The following ZSCAN18 variants were observed in gnomAD, a reference collection of about 807,000 sequenced individuals.
ZSCAN18 encodes the protein zinc finger and SCAN domain containing 18.
Under a neutral mutation model 31.1 loss-of-function variants are expected in ZSCAN18, and 16 were observed. The observed-to-expected ratio is 0.51, with a 90% CI of 0.35 to 0.78. The LOEUF (loss-of-function observed/expected upper bound fraction) is 0.78. ZSCAN18 is among the 30% of genes least tolerant of loss of function. The pLI is 0.01. For synonymous variants in ZSCAN18, 375 were observed against 320.7 expected (o/e 1.17, Z -1.81); for missense variants, 731 against 697.4 (o/e 1.05, Z -0.54).
intron 1 of ZSCAN18, chr19:58,108,210 A>T: frequency 1.0e-6 from 1 of 985,718 alleles, no homozygotes; most frequent in Non-Finnish European, 1.2e-6. Context: ...CCCATGTTTA[A>T]TAAGTTATGT....
chr19:58,103,130 T>TA (rs2080905051), upstream of ZSCAN18, among the ~76,000 whole-genome samples: 1 of 144,890 alleles, frequency 6.9e-6, no homozygotes. Flanking sequence ...TAAAAAAAAA[T>TA]AAAAAAATAA....
chr19:58,098,002 ACG>A (rs1313632142), intron 1 of ZSCAN18, 170 bp downstream of exon 1: 11 of 985,016 alleles, frequency 1.1e-5, no homozygotes, highest in Non-Finnish European at 1.3e-5. Context: ...CCCGCACTCC[ACG>A]CGAAGGGATG....
At chr19:58,086,373 C>T in intron 5 of ZSCAN18, 107 bp from the exon 6 acceptor site, 2 of 959,220 alleles carry the variant, frequency 2.1e-6, no homozygotes, top group Non-Finnish European at 3.2e-6. Flanking sequence ...ACCTCCTCTT[C>T]TCTGTACTGG....
At chr19:58,100,424 CAGAG>C (rs1364575983), upstream of ZSCAN18, among the ~76,000 whole-genome samples, 1 of 152,126 alleles carries the variant, frequency 6.6e-6, no homozygotes, top group Non-Finnish European at 1.5e-5. Flanking sequence ...AATCGTGGGG[CAGAG>C]AGAGGGTCCA....
At chr19:58,088,079 C>G (rs1225343299) in intron 3 of ZSCAN18, 1 of 153,544 alleles carries the variant, frequency 6.5e-6, no homozygotes, top group Non-Finnish European at 1.4e-5. Flanking sequence ...AAATGTCGAA[C>G]TCACACACCA....
At chr19:58,097,972 CG>C (rs1568639032) in intron 1 of ZSCAN18, 2 of 985,476 alleles carry the variant, frequency 2.0e-6, no homozygotes, top group Non-Finnish European at 2.4e-6. Context: ...CAGCCACCTC[CG>C]GGGGGACCCG....
intron 4 of ZSCAN18, 140 bp downstream of exon 4, chr19:58,087,176 C>T (rs1016179142): frequency 3.8e-6 from 4 of 1,049,048 alleles, no homozygotes; most frequent in East Asian, 2.6e-5. Flanking sequence ...TCCGCCCTCA[C>T]GCTCCCACCA....
chr19:58,118,242 G>A (rs932782758), intron 1 of ZSCAN18: 304 of 1,240,870 alleles, frequency 2.4e-4, no homozygotes, highest in Admixed American at 5.3e-4. Flanking sequence ...CCCAGCCCCA[G>A]CCGCTCTGGA....
chr19:58,085,104 G>A lies in ZSCAN18; in HGVS notation c.1114C>T (p.Pro372Ser), dbSNP rs764746245. ...RGTAKLGTKR[P>S]HPEDGDGQSL... ...TGCCCGTCCCCATCCTCGGGGTGCG[G>A]CCTCTTGGTTCCCAGTTTCGCCGTG... Residue 372 changes from proline to serine, a missense_variant, in exon 7 of 7, where the codon CCG becomes TCG. By Grantham distance (74) the Pro-to-Ser change is moderately conservative. Transcript: ENST00000601144. 5.6e-6 allele frequency: 9 copies of A among 1,606,760 alleles called. No homozygotes were observed. Among genetic ancestry groups the A allele is most frequent in the Non-Finnish European group, 7.6e-6 (9 of 1,176,480 alleles).
intron 1 of ZSCAN18, among the ~76,000 whole-genome samples, chr19:58,114,515 A>C (rs2074714292): frequency 7.1e-6 from 1 of 140,208 alleles, no homozygotes; most frequent in Non-Finnish European, 1.5e-5. Flanking sequence ...ATGCACACAT[A>C]ATACATATAC....
chr19:58,111,863 G>T (rs1340534929), intron 1 of ZSCAN18, among the ~76,000 whole-genome samples: 1 of 152,122 alleles, frequency 6.6e-6, no homozygotes, highest in Non-Finnish European at 1.5e-5. Flanking sequence ...CACACCACGA[G>T]CAAGTAGGAC....
chr19:58,090,708 G>T lies in ZSCAN18; in HGVS notation c.-119-322C>A. On this transcript the variant is annotated intron_variant, in intron 1 of 6. Transcript: ENST00000601144. This position sits in a 1 kb window ranked among gnomAD's most constrained non-coding sequence, Gnocchi z 4.7. Reference sequence around the variant, plus strand: ...GGGTTCAAGCGAGTCTCCTGCCTCAGTCTCTCCAGTAGCTGGAATTACAAG... The same window carrying T: ...GGGTTCAAGCGAGTCTCCTGCCTCATTCTCTCCAGTAGCTGGAATTACAAG... 1 of 205,694 alleles carries T rather than the reference G, an allele frequency of 4.9e-6. No individual in the cohort carries two copies. Among genetic ancestry groups the T allele is most frequent in the Non-Finnish European group, 9.7e-6 (1 of 102,848 alleles). The allele number at this position is 205,694 out of a possible 1,614,324, so 12.7% of individuals were successfully genotyped here. A position where few individuals can be genotyped will look rare whatever the true frequency, so the allele number is the denominator to read the frequency against.
At chr19:58,085,472 G>A in intron 6 of ZSCAN18, 93 bp from the exon 7 acceptor site, 1 of 1,146,650 alleles carries the variant, frequency 8.7e-7, no homozygotes, top group African/African-American at 1.6e-5. Context: ...ACAGCGCACA[G>A]GGCTCCGGGC....
intron 3 of ZSCAN18, 148 bp from the exon 4 acceptor site, chr19:58,087,552 C>G: frequency 1.5e-6 from 1 of 674,834 alleles, no homozygotes; most frequent in Non-Finnish European, 2.5e-6. Flanking sequence ...CTACACCTTT[C>G]CCTGATTTAC....
intron 1 of ZSCAN18, among the ~76,000 whole-genome samples, chr19:58,096,175 T>C (rs899133288): frequency 2.6e-5 from 4 of 152,152 alleles, no homozygotes; most frequent in African/African-American, 7.2e-5. Context: ...GAGGCTGTGA[T>C]TGGCCACTGC....
At position 58,084,068 on chromosome 19, in the gene ZSCAN18, T is replaced by C. The variant is rs2074210385; in HGVS notation, c.*617A>G. 3 of 152,228 alleles carry C rather than the reference T, an allele frequency of 2.0e-5. No homozygotes were observed. The highest frequency in any genetic ancestry group is 6.5e-5 in the Admixed American group (1 of 15,276). The allele number at this position is 152,228 out of a possible 1,614,324, so 9.4% of individuals were successfully genotyped here. On this transcript the variant is annotated 3_prime_UTR_variant, in exon 7 of 7. Transcript: ENST00000601144. The surrounding 1 kb of genome is among the most constrained non-coding windows in gnomAD (Gnocchi z 4.5). ...ATTGCTGTGTAATGCTGGTGACCAC[T>C]TGCTAATTGATTTCCCATTTTACTA...
intron 1 of ZSCAN18, chr19:58,108,253 A>G (rs947765543): frequency 1.0e-6 from 1 of 985,426 alleles, no homozygotes; most frequent in Admixed American, 6.1e-5. Context: ...CACCCAGTAC[A>G]TACATAGGGC....
chr19:58,102,558 A>G (rs769352805), upstream of ZSCAN18, among the ~76,000 whole-genome samples: 2 of 152,244 alleles, frequency 1.3e-5, no homozygotes, highest in Admixed American at 6.5e-5. Context: ...TTGCAATAAA[A>G]TAACAATTAT....
chr19:58,108,890 C>T (rs965397963), intron 1 of ZSCAN18: 52 of 1,014,168 alleles, frequency 5.1e-5, no homozygotes, highest in Non-Finnish European at 6.0e-5. Context: ...GGTTGTCCAC[C>T]CTGGCTGATG....
Sources: allele counts gnomAD v4.1 joint callset (sites outside exome capture counted in the v4.1 genomes callset), GRCh38; gene constraint gnomAD v4.1.1; non-coding constraint Gnocchi (gnomAD v3.1); transcripts MANE v1.5; gene names NCBI Gene and HGNC (gene_info 2026-07-23, HGNC 2026-07-21).